Variants in ARFGEF1 observed in about 807,000 individuals in gnomAD.
ARFGEF1 encodes ARF guanine nucleotide exchange factor 1.
A neutral mutation model predicts 231.0 loss-of-function variants in ARFGEF1; 42 were observed. That is an observed-to-expected ratio of 0.18 (90% CI 0.14 to 0.24). ARFGEF1 has a LOEUF of 0.24. ARFGEF1 is among the 10% of genes least tolerant of loss of function. ARFGEF1 has a pLI of 1.00. For synonymous variants in ARFGEF1, 710 were observed against 732.3 expected, an observed-to-expected ratio of 0.97 and a Z score of 0.49; for missense variants, 1,345 against 2,192.0, an observed-to-expected ratio of 0.61 and a Z score of 7.72.
intron 1 of ARFGEF1, among the ~76,000 whole-genome samples, chr8:67,319,119 T>C (rs11986169): frequency 0.34 from 51,170 of 152,110 alleles, 8,977 homozygotes; most frequent in African/African-American, 0.43. Flanking sequence ...TCAAGTTCAT[T>C]GACTGAAAGT....
At chr8:67,342,163 T>C (rs775054449) in intron 1 of ARFGEF1, among the ~76,000 whole-genome samples, 2 of 152,178 alleles carry the variant, frequency 1.3e-5, no homozygotes, top group African/African-American at 2.4e-5. Flanking sequence ...GTATTTCCAG[T>C]GCTATAAAGT....
chr8:67,280,598 T>C (rs1805493709), intron 7 of ARFGEF1, among the ~76,000 whole-genome samples: 1 of 152,114 alleles, frequency 6.6e-6, no homozygotes, highest in Non-Finnish European at 1.5e-5. Flanking sequence ...GTAGAATATA[T>C]AAAAAGTGTA....
At chr8:67,225,191 T>C (rs1839329945) in intron 28 of ARFGEF1, among the ~76,000 whole-genome samples, 158 bp from the exon 29 acceptor site, 1 of 152,204 alleles carries the variant, frequency 6.6e-6, no homozygotes, top group Non-Finnish European at 1.5e-5. Flanking sequence ...CTGCCTACAA[T>C]TTTAGTATAT....
chr8:67,248,918 T>C (rs1277596613), intron 19 of ARFGEF1, among the ~76,000 whole-genome samples: 1 of 150,638 alleles, frequency 6.6e-6, no homozygotes, highest in East Asian at 1.9e-4. Flanking sequence ...GTTTGAAGAC[T>C]ATAAGTGACA....
intron 8 of ARFGEF1, among the ~76,000 whole-genome samples, chr8:67,276,355 A>G (rs1805312734): frequency 6.6e-6 from 1 of 152,098 alleles, no homozygotes; most frequent in South Asian, 2.1e-4. Context: ...TAAACTCTTA[A>G]AATTTACCCA....
At chr8:67,261,105 G>A (rs919911418) in intron 14 of ARFGEF1, among the ~76,000 whole-genome samples, 2 of 152,340 alleles carry the variant, frequency 1.3e-5, no homozygotes, top group African/African-American at 4.8e-5. Context: ...CAACATAAAA[G>A]TGCAAGGTCT....
intron 5 of ARFGEF1, among the ~76,000 whole-genome samples, chr8:67,187,951 T>C (rs1228272432): frequency 6.6e-6 from 1 of 152,134 alleles, no homozygotes; most frequent in Non-Finnish European, 1.5e-5. Flanking sequence ...ACAGAAAATC[T>C]AGATGACCTT....
chr8:67,277,811 A>G (rs145192633), intron 7 of ARFGEF1, among the ~76,000 whole-genome samples: 2 of 152,310 alleles, frequency 1.3e-5, no homozygotes, highest in Admixed American at 6.5e-5. Flanking sequence ...AAAATATCTC[A>G]TTGTCAAATT....
At chr8:67,241,523 C>T (rs1839927999) in intron 19 of ARFGEF1, among the ~76,000 whole-genome samples, 1 of 152,100 alleles carries the variant, frequency 6.6e-6, no homozygotes, top group African/African-American at 2.4e-5. Flanking sequence ...ATGATTCCTC[C>T]TATCAAATTA....
intron 34 of ARFGEF1, among the ~76,000 whole-genome samples, chr8:67,208,164 G>A (rs7008877): frequency 0.025 from 3,808 of 152,048 alleles, 108 homozygotes; most frequent in South Asian, 0.047. Context: ...AATGAAACTC[G>A]GCCACTCACT....
chr8:67,343,139 TC>T, intron 1 of ARFGEF1, 24 bp downstream of exon 1: 1 of 335,782 alleles, frequency 3.0e-6, no homozygotes, highest in Non-Finnish European at 4.7e-6. Context: ...AAGCACCCCA[TC>T]CCCCGGGCCT....
intron 1 of ARFGEF1, among the ~76,000 whole-genome samples, chr8:67,302,986 G>A (rs1806569016): frequency 6.6e-6 from 1 of 151,824 alleles, no homozygotes; most frequent in Middle Eastern, 3.4e-3. Context: ...GCTATGTGGG[G>A]CAGGGGGTTG....
At chr8:67,273,725 C>G (rs1805197585) in intron 9 of ARFGEF1, among the ~76,000 whole-genome samples, 1 of 151,942 alleles carries the variant, frequency 6.6e-6, no homozygotes, top group African/African-American at 2.4e-5. Context: ...AGAATATATG[C>G]AGCAAATAGA....
intron 19 of ARFGEF1, among the ~76,000 whole-genome samples, chr8:67,249,956 C>T (rs528296781): frequency 6.6e-6 from 1 of 152,274 alleles, no homozygotes; most frequent in African/African-American, 2.4e-5. Context: ...ACTACTCAGG[C>T]AAAGAAGGAA....
chr8:67,219,281 TA>T, intron 30 of ARFGEF1, 149 bp downstream of exon 30: 1 of 885,264 alleles, frequency 1.1e-6, no homozygotes, highest in Non-Finnish European at 1.6e-6. Context: ...TTCTTATTTA[TA>T]AAGACATAGT....
chr8:67,215,680 A>G (rs1838902832), intron 33 of ARFGEF1, among the ~76,000 whole-genome samples: 1 of 152,208 alleles, frequency 6.6e-6, no homozygotes, highest in Admixed American at 6.5e-5. Flanking sequence ...CAGAAGCTGG[A>G]CGAAGCTAGT....
chr8:67,325,222 AC>A (rs929646111), intron 1 of ARFGEF1, among the ~76,000 whole-genome samples: 21 of 143,670 alleles, frequency 1.5e-4, no homozygotes, highest in Non-Finnish European at 2.9e-4. Flanking sequence ...CGAAAAATCC[AC>A]TTTTTTTTTT....
downstream of ARFGEF1, among the ~76,000 whole-genome samples, chr8:67,194,335 C>A (rs545173886): frequency 2.0e-5 from 3 of 152,176 alleles, no homozygotes; most frequent in African/African-American, 7.2e-5. Context: ...TTTTTAGATC[C>A]TACCTTTAAT....
intron 19 of ARFGEF1, among the ~76,000 whole-genome samples, chr8:67,247,234 T>C (rs1840135015): frequency 6.7e-6 from 1 of 150,092 alleles, no homozygotes; most frequent in Non-Finnish European, 1.5e-5. Flanking sequence ...ATTTCCAAAT[T>C]CATTCTACAA....
Sources: gnomAD v4.1 joint callset for allele counts (sites outside exome capture counted in the v4.1 genomes callset) on GRCh38, gnomAD v4.1.1 for gene constraint, MANE v1.5 for transcripts, NCBI Gene and HGNC (gene_info 2026-07-23, HGNC 2026-07-21) for gene names.